Variants in MAGI2 observed in about 807,000 individuals in gnomAD.
MAGI2 encodes the protein membrane-associated guanylate kinase, WW and PDZ domain-containing protein 2.
In MAGI2, 35 loss-of-function variants were observed where a neutral mutation model predicts 133.3. The ratio of observed to expected loss-of-function variants is 0.26; its 90% CI spans 0.20 to 0.35. The LOEUF is 0.35. Among genes scored for constraint, MAGI2 ranks in the 10% least tolerant of loss-of-function variants. MAGI2 has a pLI of 1.00. For missense variants in MAGI2, 1,636 were observed against 1,863.4 expected, an observed-to-expected ratio of 0.88 and a Z score of 2.25; for synonymous variants, 729 against 710.6, an observed-to-expected ratio of 1.03 and a Z score of -0.41.
At chr7:78,177,667 G>A (rs1292048228) in intron 14 of MAGI2, among the ~76,000 whole-genome samples, 1 of 152,102 alleles carries the variant, frequency 6.6e-6, no homozygotes, top group African/African-American at 2.4e-5. Context: ...TAATTCTGCT[G>A]TTCCCAGGTG....
At chr7:78,933,882 C>T (rs1227748112) in intron 2 of MAGI2, among the ~76,000 whole-genome samples, 1 of 151,982 alleles carries the variant, frequency 6.6e-6, no homozygotes, top group African/African-American at 2.4e-5. Context: ...TAGTAGATTC[C>T]CTCCGCATCC....
intron 14 of MAGI2, among the ~76,000 whole-genome samples, chr7:78,176,550 T>C (rs1384409915): frequency 6.6e-6 from 1 of 152,188 alleles, no homozygotes; most frequent in African/African-American, 2.4e-5. Context: ...TGAATACCTC[T>C]TGTGGGAAGG....
Position 78,336,600 on chromosome 7 carries a change from CTG to C in MAGI2, c.1408+7176_1408+7177del, listed in dbSNP as rs1789792115. 2.0e-5 allele frequency among the ~76,000 whole-genome samples: 3 copies of C among 152,180 alleles called. No homozygotes were observed. The South Asian group carries it at 6.2e-4, about 32-fold the overall frequency. On this transcript the variant is annotated intron_variant, in intron 9 of 21. Coordinates refer to ENST00000354212, the MANE Select transcript of MAGI2 (RefSeq NM_012301.4). ...ATTAGCCAAGCATGGTGGTGCAAGC[CTG>C]TGGTTCTAGCTACTTGGGAGGCTGA...
intron 1 of MAGI2, among the ~76,000 whole-genome samples, chr7:79,325,715 A>G (rs1008924658): frequency 3.3e-5 from 5 of 152,188 alleles, no homozygotes; most frequent in African/African-American, 4.8e-5. Context: ...AAATCCTCAT[A>G]AAAGTCCATT....
intron 1 of MAGI2, among the ~76,000 whole-genome samples, chr7:79,326,570 T>C (rs1474716860): frequency 6.6e-6 from 1 of 152,108 alleles, no homozygotes; most frequent in East Asian, 1.9e-4. Context: ...CCCAAAAGCA[T>C]AAATTATGTT....
intron 2 of MAGI2, among the ~76,000 whole-genome samples, chr7:78,881,772 T>G (rs1050742840): frequency 2.0e-5 from 3 of 151,594 alleles, no homozygotes; most frequent in Admixed American, 1.3e-4. Context: ...GGACACAATA[T>G]ATCAAAACGT....
intron 2 of MAGI2, among the ~76,000 whole-genome samples, chr7:78,736,878 C>T (rs1260445943): frequency 6.6e-6 from 1 of 152,070 alleles, no homozygotes; most frequent in African/African-American, 2.4e-5. Context: ...TTTTAATATT[C>T]CATGTGACAA....
At chr7:78,078,812 GTATA>G (rs34931672) in intron 21 of MAGI2, 131 bp downstream of exon 21, 259 of 589,022 alleles carry the variant, frequency 4.4e-4, no homozygotes, top group South Asian at 1.5e-3. Flanking sequence ...GTGTGTGTGT[GTATA>G]TATATACCTA....
intron 5 of MAGI2, among the ~76,000 whole-genome samples, chr7:78,496,062 G>A (rs888184955): frequency 3.3e-5 from 5 of 152,092 alleles, no homozygotes; most frequent in African/African-American, 1.2e-4. Flanking sequence ...AATTTCCAAA[G>A]TATTTTATCT....
chr7:78,833,057 C>G (rs1396581753), intron 2 of MAGI2, among the ~76,000 whole-genome samples: 1 of 152,176 alleles, frequency 6.6e-6, no homozygotes, highest in Non-Finnish European at 1.5e-5. Context: ...AATTTCTGGT[C>G]TAACCGGTTG....
In MAGI2 at chr7:78,735,218, A is replaced by G. The variant is rs1028587467; in HGVS notation, c.419-107979T>C. ...TGGTAGAAAAATTACATTATAATGTATATCAGAAGACCTTATATTTCTTTG... is the reference window on the plus strand; with the variant it reads ...TGGTAGAAAAATTACATTATAATGTGTATCAGAAGACCTTATATTTCTTTG... On this transcript the variant is annotated intron_variant, in intron 2 of 21. Transcript: ENST00000354212. Among the ~76,000 whole-genome samples the G allele has an allele frequency of 4.6e-5, 7 of 152,218 alleles. No homozygotes were observed. The East Asian group carries it at 9.6e-4, about 21-fold the overall frequency.
intron 2 of MAGI2, among the ~76,000 whole-genome samples, chr7:78,962,327 T>C (rs1482574325): frequency 6.6e-6 from 1 of 152,128 alleles, no homozygotes; most frequent in Non-Finnish European, 1.5e-5. Context: ...TCATGCTTAG[T>C]TAAAACTTCG....
chr7:79,100,453 T>C (rs1314747084), intron 1 of MAGI2, among the ~76,000 whole-genome samples: 1 of 151,772 alleles, frequency 6.6e-6, no homozygotes, highest in Non-Finnish European at 1.5e-5. Context: ...TCATATTTTT[T>C]AGATTTTTCA....
chr7:78,765,509 C>T lies in MAGI2; in HGVS notation c.419-138270G>A, dbSNP rs548189929. Among the ~76,000 whole-genome samples, 3 of 151,904 alleles carry T rather than the reference C, an allele frequency of 2.0e-5. No homozygotes were observed. In the South Asian group the frequency reaches 6.3e-4, roughly 32 times the overall value. On this transcript the variant is annotated intron_variant, in intron 2 of 21. Transcript: ENST00000354212. ...AGTTACAGGTGTCCACTACCACACCCGGCTAATTTTTGTACTTTTAGTAGA... is the reference window on the plus strand; with the variant it reads ...AGTTACAGGTGTCCACTACCACACCTGGCTAATTTTTGTACTTTTAGTAGA...
intron 2 of MAGI2, among the ~76,000 whole-genome samples, chr7:78,685,632 T>C (rs1816206792): frequency 2.2e-5 from 3 of 139,210 alleles, no homozygotes; most frequent in Non-Finnish European, 4.6e-5. Flanking sequence ...TCATTATATA[T>C]ACGTAACCTA....
chr7:79,028,022 G>C (rs1470290306), intron 1 of MAGI2, among the ~76,000 whole-genome samples: 1 of 151,242 alleles, frequency 6.6e-6, no homozygotes, highest in East Asian at 2.0e-4. Flanking sequence ...GAACATCCTG[G>C]CCAACATGGT....
intron 3 of MAGI2, among the ~76,000 whole-genome samples, chr7:78,572,882 A>G (rs1373593358): frequency 2.0e-5 from 3 of 150,378 alleles, no homozygotes; most frequent in African/African-American, 7.3e-5. Context: ...GGCTGGTCTC[A>G]AACTCTCGAC....
At chr7:78,089,172 A>AT (rs1238817939) in intron 20 of MAGI2, among the ~76,000 whole-genome samples, 1 of 152,204 alleles carries the variant, frequency 6.6e-6, no homozygotes, top group Non-Finnish European at 1.5e-5. Flanking sequence ...CTGTAAGACA[A>AT]TCGATTAGTG....
intron 1 of MAGI2, among the ~76,000 whole-genome samples, chr7:79,263,816 T>C (rs1464617152): frequency 2.0e-5 from 3 of 152,192 alleles, no homozygotes; most frequent in East Asian, 3.9e-4. Context: ...AATTGTATAG[T>C]AGCCATATGA....
Sources: gnomAD v4.1 joint callset for allele counts (sites outside exome capture counted in the v4.1 genomes callset) on GRCh38, gnomAD v4.1.1 for gene constraint, MANE v1.5 for transcripts, NCBI Gene and HGNC (gene_info 2026-07-23, HGNC 2026-07-21) for gene names.